Variants in UTS2B observed in about 807,000 individuals in gnomAD.
UTS2B encodes urotensin-2B.
In UTS2B, 21 loss-of-function variants were observed where a neutral mutation model predicts 19.2. That is an observed-to-expected ratio of 1.09 (90% CI 0.78 to 1.58). UTS2B has a LOEUF of 1.58. UTS2B is among the 40% of genes most tolerant of loss of function. The pLI is 0.00. For missense variants in UTS2B, 138 were observed against 130.3 expected, an observed-to-expected ratio of 1.06 and a Z score of -0.29; for synonymous variants, 57 against 50.2, an observed-to-expected ratio of 1.14 and a Z score of -0.58.
chr3:191,323,466 A>T (rs1304991455), intron 2 of UTS2B, among the ~76,000 whole-genome samples: 2 of 152,102 alleles, frequency 1.3e-5, no homozygotes, highest in Non-Finnish European at 2.9e-5. Flanking sequence ...ATCGCGCCTG[A>T]CCTCAGTGCT....
At chr3:191,289,450 A>ATAAATAAATAAATAAAT (rs56188122) in intron 4 of UTS2B, among the ~76,000 whole-genome samples, 71 of 144,130 alleles carry the variant, frequency 4.9e-4, no homozygotes, top group African/African-American at 1.2e-3. Context: ...AAATAAATAA[A>ATAAATAAATAAATAAAT]AAACAAACGA....
chr3:191,296,455 T>C (rs935159016), intron 4 of UTS2B, among the ~76,000 whole-genome samples: 1 of 152,218 alleles, frequency 6.6e-6, no homozygotes, highest in South Asian at 2.1e-4. Flanking sequence ...TATGTTTTTG[T>C]ACAGTGTTTC....
At chr3:191,337,536 G>A in the UTS2B span, among the ~76,000 whole-genome samples, 4 of 151,882 alleles carry the variant, frequency 2.6e-5, no homozygotes, top group African/African-American at 9.7e-5. Flanking sequence ...GTAGAGACAG[G>A]GTTTCACTGT....
At chr3:191,282,546 C>T (rs1716421237) in intron 4 of UTS2B, 1 of 168,716 alleles carries the variant, frequency 5.9e-6, no homozygotes, top group Non-Finnish European at 1.3e-5. Flanking sequence ...AAATAAAAAA[C>T]TGTTGGATTT....
At chr3:191,286,922 GA>G (rs34503274) in intron 4 of UTS2B, among the ~76,000 whole-genome samples, 74,194 of 149,394 alleles carry the variant, frequency 0.5, 19,517 homozygotes, top group Middle Eastern at 0.62. Context: ...GAATGTAATA[GA>G]AAAAAAAAAT....
intron 2 of UTS2B, among the ~76,000 whole-genome samples, chr3:191,324,667 C>A (rs1159656954): frequency 6.6e-6 from 1 of 152,210 alleles, no homozygotes; most frequent in African/African-American, 2.4e-5. Flanking sequence ...CATTAAACCT[C>A]TTTCCTTATA....
At chr3:191,344,961 A>G in the UTS2B span, among the ~76,000 whole-genome samples, 4 of 152,194 alleles carry the variant, frequency 2.6e-5, no homozygotes, top group Admixed American at 2.6e-4. Context: ...CCTCAAATGC[A>G]CATCCACATC....
chr3:191,320,024 G>GA (rs1313638974), intron 2 of UTS2B, among the ~76,000 whole-genome samples: 1 of 151,792 alleles, frequency 6.6e-6, no homozygotes, highest in Non-Finnish European at 1.5e-5. Flanking sequence ...GCAATTATAT[G>GA]TCAACACTAT....
At chr3:191,297,228 T>C (rs6786046) in intron 4 of UTS2B, among the ~76,000 whole-genome samples, 99,778 of 151,922 alleles carry the variant, frequency 0.66, 32,743 homozygotes, top group African/African-American at 0.67. Context: ...GGCCACTTTC[T>C]TAACTTTATT....
At chr3:191,275,611 T>C (rs761398133) in intron 7 of UTS2B, among the ~76,000 whole-genome samples, 38 of 149,856 alleles carry the variant, frequency 2.5e-4, no homozygotes, top group Non-Finnish European at 8.9e-5. Flanking sequence ...ACCCAGGAGG[T>C]GGAGACTGCA....
chr3:191,295,431 T>A (rs1241323522), intron 4 of UTS2B, among the ~76,000 whole-genome samples: 1 of 152,012 alleles, frequency 6.6e-6, no homozygotes, highest in Non-Finnish European at 1.5e-5. Context: ...TTTTTCGGCT[T>A]CTTTTAGCAT....
At chr3:191,298,330 A>G (rs12490850) in intron 4 of UTS2B, among the ~76,000 whole-genome samples, 99,890 of 151,986 alleles carry the variant, frequency 0.66, 32,817 homozygotes, top group African/African-American at 0.67. Flanking sequence ...TTGGAAGTGG[A>G]TTCTGGTGGG....
chr3:191,271,568 C>T (rs1716095856), intron 8 of UTS2B, among the ~76,000 whole-genome samples: 1 of 152,108 alleles, frequency 6.6e-6, no homozygotes, highest in African/African-American at 2.4e-5. Flanking sequence ...AGTTTTTTTA[C>T]TTGACTTGTG....
At chr3:191,306,591 T>C (rs962226767) in intron 3 of UTS2B, among the ~76,000 whole-genome samples, 1 of 152,222 alleles carries the variant, frequency 6.6e-6, no homozygotes, top group Non-Finnish European at 1.5e-5. Flanking sequence ...TAACACTAAG[T>C]AGTTTACTAT....
At chr3:191,304,369 A>G (rs564100590) in intron 4 of UTS2B, 123 bp downstream of exon 4, 5 of 152,186 alleles carry the variant, frequency 3.3e-5, no homozygotes, top group African/African-American at 1.2e-4. Context: ...ACTCTGAAAT[A>G]TGTTGCTCAC....
At chr3:191,272,683 A>G (rs1352216038) in intron 8 of UTS2B, among the ~76,000 whole-genome samples, 2 of 151,890 alleles carry the variant, frequency 1.3e-5, no homozygotes, top group Admixed American at 1.3e-4. Flanking sequence ...CAATATGGTG[A>G]AACCTGTCTC....
chr3:191,333,496 C>G (rs141827882), upstream of UTS2B, among the ~76,000 whole-genome samples: 2 of 152,142 alleles, frequency 1.3e-5, no homozygotes, highest in Non-Finnish European at 2.9e-5. Context: ...TCTGGCTACA[C>G]GGCAAACCCA....
chr3:191,286,204 T>C (rs1461427552), intron 4 of UTS2B, among the ~76,000 whole-genome samples: 1 of 152,196 alleles, frequency 6.6e-6, no homozygotes, highest in Non-Finnish European at 1.5e-5. Context: ...TACCCCATTT[T>C]CAACAATGAA....
At chr3:191,321,326 A>G (rs922824824) in intron 2 of UTS2B, among the ~76,000 whole-genome samples, 1 of 152,362 alleles carries the variant, frequency 6.6e-6, no homozygotes, top group Admixed American at 6.5e-5. Context: ...AGGAAGTTTT[A>G]GTAAGACCTT....
Sources: allele counts gnomAD v4.1 joint callset (sites outside exome capture counted in the v4.1 genomes callset), GRCh38; gene constraint gnomAD v4.1.1; transcripts MANE v1.5; gene names NCBI Gene and HGNC (gene_info 2026-07-23, HGNC 2026-07-21).